GRIK2: variants seen among roughly 807,000 people sequenced by gnomAD.
The protein encoded by GRIK2 is glutamate receptor ionotropic, kainate 2.
In GRIK2, 32 loss-of-function variants were observed where a neutral mutation model predicts 100.3. The observed-to-expected ratio is 0.32, with a 90% CI of 0.24 to 0.43. The LOEUF is 0.43. GRIK2 is among the 20% of genes least tolerant of loss of function. The pLI is 1.00. For synonymous variants in GRIK2, 417 were observed against 389.4 expected, an observed-to-expected ratio of 1.07 and a Z score of -0.83; for missense variants, 843 against 1,114.9, an observed-to-expected ratio of 0.76 and a Z score of 3.47.
intron 2 of GRIK2, among the ~76,000 whole-genome samples, chr6:101,472,766 C>T (rs1231570924): frequency 2.6e-5 from 4 of 151,702 alleles, no homozygotes; most frequent in Admixed American, 6.6e-5. Flanking sequence ...TTACACTGTC[C>T]GCTTTCAAAG....
chr6:101,457,494 A>C (rs1280964898), intron 2 of GRIK2, among the ~76,000 whole-genome samples: 3 of 152,144 alleles, frequency 2.0e-5, no homozygotes, highest in African/African-American at 7.2e-5. Flanking sequence ...TGGCCAAGAT[A>C]GTCTATCCAC....
Position 102,014,585 on chromosome 6 carries a change from A to G in GRIK2, c.2086-20756A>G, listed in dbSNP as rs189802166. On this transcript the variant is annotated intron_variant, in intron 14 of 16. Transcript: ENST00000369134. ...CATTTTGATGTGGGCATTTAGTGCT[A>G]TAAATGTGTCCCAGAAATTCTGTGT... Among the ~76,000 whole-genome samples, 27 of 152,238 alleles carry G rather than the reference A, an allele frequency of 1.8e-4. No homozygotes were observed. In the South Asian group the frequency reaches 3.5e-3, roughly 20 times the overall value.
chr6:101,415,833 C>A lies in GRIK2; in HGVS notation c.115+16441C>A, dbSNP rs1776117283. Among the ~76,000 whole-genome samples the A allele has an allele frequency of 2.0e-5, 3 of 152,188 alleles. 1 individual carries two copies. In the South Asian group the frequency reaches 6.2e-4, roughly 32 times the overall value. ...ATATGATTGGAATATGCTAATGAAT[C>A]TTCCTAAATTTTAGTTTCCTTACCT... On this transcript the variant is annotated intron_variant, in intron 2 of 16. Coordinates refer to ENST00000369134, the MANE Select transcript of GRIK2 (RefSeq NM_021956.5).
At chr6:101,870,132 A>G (rs1007787997) in intron 11 of GRIK2, among the ~76,000 whole-genome samples, 3 of 152,002 alleles carry the variant, frequency 2.0e-5, no homozygotes, top group African/African-American at 7.2e-5. Flanking sequence ...ATACCTTGTA[A>G]TCTACTAAAC....
At chr6:101,754,566 A>ACAT (rs1777006654) in intron 7 of GRIK2, among the ~76,000 whole-genome samples, 2 of 152,204 alleles carry the variant, frequency 1.3e-5, no homozygotes, top group Non-Finnish European at 2.9e-5. Context: ...AAGAGCTATA[A>ACAT]TCCTTTTCCC....
intron 7 of GRIK2, among the ~76,000 whole-genome samples, chr6:101,692,959 A>G (rs79137387): frequency 0.022 from 3,407 of 152,190 alleles, 122 homozygotes; most frequent in African/African-American, 0.076. Context: ...GAATAACAGA[A>G]TGGCACTATA....
intron 7 of GRIK2, among the ~76,000 whole-genome samples, chr6:101,717,932 A>G (rs1196216633): frequency 5.3e-5 from 8 of 151,780 alleles, no homozygotes; most frequent in South Asian, 4.1e-4. Flanking sequence ...GCTAGTTCCT[A>G]TAAGTTACAC....
intron 9 of GRIK2, among the ~76,000 whole-genome samples, chr6:101,807,266 G>T (rs1023862315): frequency 1.3e-5 from 2 of 151,928 alleles, no homozygotes; most frequent in African/African-American, 4.8e-5. Flanking sequence ...ATTGCAGAAG[G>T]TCACCCTGAA....
At chr6:101,808,076 T>C (rs1410580218) in intron 9 of GRIK2, among the ~76,000 whole-genome samples, 1 of 152,070 alleles carries the variant, frequency 6.6e-6, no homozygotes, top group Non-Finnish European at 1.5e-5. Flanking sequence ...ATCCTTATTG[T>C]TCCATCACCT....
At chr6:101,420,632 C>T (rs1376341467) in intron 2 of GRIK2, among the ~76,000 whole-genome samples, 1 of 152,004 alleles carries the variant, frequency 6.6e-6, no homozygotes, top group African/African-American at 2.4e-5. Flanking sequence ...AATCTCATAC[C>T]CACCAAAGCT....
intron 2 of GRIK2, among the ~76,000 whole-genome samples, chr6:101,619,130 T>C (rs1463396494): frequency 6.6e-6 from 1 of 151,010 alleles, no homozygotes; most frequent in Non-Finnish European, 1.5e-5. Flanking sequence ...TCTAACTTTA[T>C]TTGGAAACCA....
chr6:101,580,663 C>T (rs1298027402), intron 2 of GRIK2, among the ~76,000 whole-genome samples: 1 of 152,078 alleles, frequency 6.6e-6, no homozygotes, highest in Non-Finnish European at 1.5e-5. Flanking sequence ...TAACTAACCC[C>T]CACTTCCCAC....
chr6:101,462,615 T>C (rs1771385375), intron 2 of GRIK2, among the ~76,000 whole-genome samples: 1 of 152,216 alleles, frequency 6.6e-6, no homozygotes, highest in African/African-American at 2.4e-5. Context: ...ACTGATCTGC[T>C]TTTATCTGTG....
chr6:101,529,514 T>C (rs1775321298), intron 2 of GRIK2, among the ~76,000 whole-genome samples: 1 of 152,108 alleles, frequency 6.6e-6, no homozygotes, highest in Admixed American at 6.6e-5. Context: ...ACAAATAATT[T>C]CAACATGCTG....
chr6:101,527,453 A>T (rs1223217277), intron 2 of GRIK2, among the ~76,000 whole-genome samples: 1 of 152,198 alleles, frequency 6.6e-6, no homozygotes, highest in Non-Finnish European at 1.5e-5. Flanking sequence ...GATACCTCTT[A>T]TCAAGGCAGA....
chr6:101,611,317 C>T (rs73508643), intron 2 of GRIK2, among the ~76,000 whole-genome samples: 17,705 of 151,764 alleles, frequency 0.12, 1,111 homozygotes, highest in Admixed American at 0.16. Context: ...TGGACTGTAT[C>T]AGCAACTTCT....
intron 16 of GRIK2, among the ~76,000 whole-genome samples, chr6:102,066,650 C>A (rs1426787978): frequency 1.3e-5 from 2 of 150,902 alleles, no homozygotes; most frequent in African/African-American, 4.9e-5. Context: ...GAAGTCCCAC[C>A]AATAAAGGGA....
chr6:101,661,603 T>A (rs1316896934), intron 4 of GRIK2, among the ~76,000 whole-genome samples: 1 of 152,022 alleles, frequency 6.6e-6, no homozygotes, highest in African/African-American at 2.4e-5. Context: ...GCCCTGGTGG[T>A]GTAGGAACCT....
At chr6:101,784,171 C>G (rs1014977544) in intron 7 of GRIK2, among the ~76,000 whole-genome samples, 1 of 152,222 alleles carries the variant, frequency 6.6e-6, no homozygotes, top group Non-Finnish European at 1.5e-5. Flanking sequence ...CCTTCCATCA[C>G]AGGCCCAGAG....
Sources: gnomAD v4.1 joint callset for allele counts (sites outside exome capture counted in the v4.1 genomes callset) on GRCh38, gnomAD v4.1.1 for gene constraint, MANE v1.5 for transcripts, NCBI Gene and HGNC (gene_info 2026-07-23, HGNC 2026-07-21) for gene names.